MCC: variants seen among roughly 807,000 people sequenced by gnomAD.
MCC encodes colorectal mutant cancer protein.
In MCC, 90 loss-of-function variants were observed where a neutral mutation model predicts 116.2. The ratio of observed to expected loss-of-function variants is 0.77; its 90% CI spans 0.65 to 0.92. MCC has a LOEUF of 0.92. Among genes scored for constraint, MCC ranks in the 40% least tolerant of loss-of-function variants. The pLI is 0.00. For synonymous variants in MCC, 578 were observed against 510.5 expected, an observed-to-expected ratio of 1.13 and a Z score of -1.78; for missense variants, 1,516 against 1,312.2, an observed-to-expected ratio of 1.16 and a Z score of -2.40.
At chr5:113,090,258 T>C (rs762398615) in intron 8 of MCC, among the ~76,000 whole-genome samples, 13 of 151,084 alleles carry the variant, frequency 8.6e-5, no homozygotes, top group African/African-American at 3.2e-4. Context: ...CAGGGGAAGA[T>C]GCGAAACAGG....
chr5:113,375,136 T>C (rs1240453907), intron 2 of MCC, among the ~76,000 whole-genome samples: 2 of 152,152 alleles, frequency 1.3e-5, no homozygotes, highest in Admixed American at 6.5e-5. Context: ...ACAGGTTGAA[T>C]ACTTTCTATT....
chr5:113,363,304 A>C (rs1274168476), intron 2 of MCC, among the ~76,000 whole-genome samples: 3 of 152,166 alleles, frequency 2.0e-5, no homozygotes, highest in African/African-American at 4.8e-5. Context: ...AACAAACAAA[A>C]AAAACCCTGG....
At chr5:113,233,013 T>C (rs1443003217) in intron 3 of MCC, among the ~76,000 whole-genome samples, 1 of 152,182 alleles carries the variant, frequency 6.6e-6, no homozygotes, top group Non-Finnish European at 1.5e-5. Flanking sequence ...TTATAAGTCT[T>C]GTTACAGGGC....
intron 6 of MCC, 137 bp downstream of exon 6, chr5:113,122,547 G>A (rs1757794731): frequency 2.2e-6 from 2 of 919,862 alleles, no homozygotes; most frequent in Admixed American, 2.7e-5. Flanking sequence ...GTAAGGGACT[G>A]AAATACATGT....
At chr5:113,311,222 C>A (rs530867900) in intron 3 of MCC, among the ~76,000 whole-genome samples, 4 of 152,222 alleles carry the variant, frequency 2.6e-5, no homozygotes, top group African/African-American at 9.6e-5. Flanking sequence ...TTTACCCATG[C>A]CTGTAAACAT....
At chr5:113,120,225 A>G (rs1352439793) in intron 6 of MCC, among the ~76,000 whole-genome samples, 2 of 152,188 alleles carry the variant, frequency 1.3e-5, no homozygotes, top group East Asian at 1.9e-4. Context: ...GCCCTTATGA[A>G]CTTAGCATGT....
At chr5:113,165,478 A>C (rs1174095594) in intron 3 of MCC, among the ~76,000 whole-genome samples, 6 of 152,166 alleles carry the variant, frequency 3.9e-5, no homozygotes, top group Non-Finnish European at 7.3e-5. Flanking sequence ...TGAAATTAAT[A>C]AAGTATGGCA....
At chr5:113,311,256 T>G (rs1454668943) in intron 3 of MCC, among the ~76,000 whole-genome samples, 1 of 152,250 alleles carries the variant, frequency 6.6e-6, no homozygotes, top group African/African-American at 2.4e-5. Flanking sequence ...AACTTTGTAG[T>G]ACCCTCCCAC....
chr5:113,119,240 T>C (rs1757588565), intron 6 of MCC, among the ~76,000 whole-genome samples: 1 of 152,170 alleles, frequency 6.6e-6, no homozygotes, highest in Non-Finnish European at 1.5e-5. Context: ...TAAAGCTTGA[T>C]AACACACAAG....
At chr5:113,195,262 C>T (rs1023042594) in intron 3 of MCC, among the ~76,000 whole-genome samples, 1 of 152,200 alleles carries the variant, frequency 6.6e-6, no homozygotes, top group Non-Finnish European at 1.5e-5. Flanking sequence ...GACCAGTGTT[C>T]CTTAATGGCA....
intron 5 of MCC, among the ~76,000 whole-genome samples, chr5:113,132,379 T>TAC (rs1758486512): frequency 9.7e-6 from 1 of 102,982 alleles, no homozygotes; most frequent in East Asian, 2.9e-4. Context: ...TGTGTATATA[T>TAC]ATACATACAT....
At position 113,388,796 on chromosome 5, in the gene MCC, C is replaced by T. The variant is rs144880122; in HGVS notation, c.171-3584G>A. On this transcript the variant is annotated intron_variant, in intron 1 of 18. Coordinates refer to ENST00000408903, the MANE Select transcript of MCC (RefSeq NM_001085377.2). Reference sequence around the variant, plus strand: ...CCACGCAAGAATAGACTAACATGTCCCCATTTTACAGATTATGATATGACA... The same window carrying T: ...CCACGCAAGAATAGACTAACATGTCTCCATTTTACAGATTATGATATGACA... Among the ~76,000 whole-genome samples the T allele has an allele frequency of 2.6e-4, 40 of 152,270 alleles. 1 individual carries two copies. The highest frequency in any genetic ancestry group is 9.2e-4 in the Admixed American group (14 of 15,290).
At chr5:113,050,597 T>C (rs529122106) in intron 15 of MCC, among the ~76,000 whole-genome samples, 1 of 152,334 alleles carries the variant, frequency 6.6e-6, no homozygotes, top group South Asian at 2.1e-4. Context: ...AAAGCCAGAA[T>C]GAAAGGTGTG....
At chr5:113,327,487 AG>A (rs1338011654) in intron 3 of MCC, among the ~76,000 whole-genome samples, 2 of 145,578 alleles carry the variant, frequency 1.4e-5, no homozygotes, top group African/African-American at 5.1e-5. Context: ...CAGAGGTTGC[AG>A]TGAGCCGAGG....
chr5:113,285,202 G>A (rs957138446), intron 3 of MCC, among the ~76,000 whole-genome samples: 22 of 152,214 alleles, frequency 1.4e-4, no homozygotes, highest in Non-Finnish European at 2.2e-4. Flanking sequence ...CTTCAAAGGC[G>A]GGAAGCCAAA....
intron 3 of MCC, among the ~76,000 whole-genome samples, chr5:113,220,234 A>G (rs1174347665): frequency 6.7e-6 from 1 of 148,822 alleles, no homozygotes; most frequent in Non-Finnish European, 1.5e-5. Flanking sequence ...ATTTTTTTGT[A>G]TTTTTTAGTA....
chr5:113,374,042 C>T (rs1368512596), intron 2 of MCC, among the ~76,000 whole-genome samples: 1 of 151,856 alleles, frequency 6.6e-6, no homozygotes, highest in Non-Finnish European at 1.5e-5. Flanking sequence ...GACCACAGGC[C>T]CACAGGCGCA....
At position 113,026,384 on chromosome 5, in the gene MCC, A is replaced by G. The variant is rs1750551989; in HGVS notation, c.*918T>C. Reference sequence around the variant, plus strand: ...AGAGCTACAAATGCACCCATGTGGAAGAGATTTGATTCAGCAGAACAGCAA... The same window carrying G: ...AGAGCTACAAATGCACCCATGTGGAGGAGATTTGATTCAGCAGAACAGCAA... On this transcript the variant is annotated 3_prime_UTR_variant, in exon 19 of 19. Coordinates refer to ENST00000408903, the MANE Select transcript of MCC (RefSeq NM_001085377.2). 6.6e-6 allele frequency: 1 copy of G among 152,270 alleles called. No homozygotes were observed. The highest frequency in any genetic ancestry group is 2.1e-4 in the South Asian group (1 of 4,836). The allele number at this position is 152,270 out of a possible 1,614,324, so 9.4% of individuals were successfully genotyped here. A position where few individuals can be genotyped will look rare whatever the true frequency, so the allele number is the denominator to read the frequency against.
intron 5 of MCC, among the ~76,000 whole-genome samples, chr5:113,136,690 G>A (rs1386831874): frequency 6.6e-6 from 1 of 152,076 alleles, no homozygotes; most frequent in African/African-American, 2.4e-5. Context: ...TTAACGTGTT[G>A]ATTTTGTATC....
Sources: allele counts gnomAD v4.1 joint callset (sites outside exome capture counted in the v4.1 genomes callset), GRCh38; gene constraint gnomAD v4.1.1; transcripts MANE v1.5; gene names NCBI Gene and HGNC (gene_info 2026-07-23, HGNC 2026-07-21).